Variants in ATP10B observed in about 807,000 individuals in gnomAD.
The protein encoded by ATP10B is ATPase phospholipid transporting 10B (putative), also known as phospholipid-transporting ATPase VB.
ATP10B carries 122 observed loss-of-function variants against 141.2 expected under a neutral mutation model. The ratio of observed to expected loss-of-function variants is 0.86; its 90% CI spans 0.75 to 1.00. ATP10B has a LOEUF of 1.00. Among genes scored for constraint, ATP10B ranks in the 50% least tolerant of loss-of-function variants. The pLI is 0.00. For synonymous variants in ATP10B, 685 were observed against 692.0 expected (o/e 0.99, Z 0.16); for missense variants, 1,876 against 1,825.3 (o/e 1.03, Z -0.51).
At chr5:160,841,294 G>GAA (rs961432847) in intron 1 of ATP10B, among the ~76,000 whole-genome samples, 4 of 149,834 alleles carry the variant, frequency 2.7e-5, no homozygotes, top group Non-Finnish European at 5.9e-5. Flanking sequence ...ATTGTTAGGT[G>GAA]AAAAAAAAAG....
chr5:160,575,626 C>T (rs887194042), intron 24 of ATP10B, among the ~76,000 whole-genome samples: 1 of 151,948 alleles, frequency 6.6e-6, no homozygotes. Context: ...AGGATTCTAT[C>T]TAGGATTCAT....
In ATP10B at chr5:160,565,202, A is replaced by G. The variant is rs904739570; in HGVS notation, c.*251T>C. 1.9e-6 allele frequency: 1 copy of G among 523,610 alleles called. No individual in the cohort carries two copies. The allele number at this position is 523,610 out of a possible 1,614,324, so 32.4% of individuals were successfully genotyped here. A position where few individuals can be genotyped will look rare whatever the true frequency, so the allele number is the denominator to read the frequency against. On this transcript the variant is annotated 3_prime_UTR_variant, in exon 26 of 26. Coordinates refer to ENST00000327245, the MANE Select transcript of ATP10B (RefSeq NM_025153.3). ...ACCGATTTGAGAACTCGATTCAACA[A>G]AAACAGCCTCCTTCTCCAAACTGTT...
chr5:160,652,044 G>A (rs1313592172), intron 7 of ATP10B, among the ~76,000 whole-genome samples: 1 of 152,078 alleles, frequency 6.6e-6, no homozygotes, highest in Non-Finnish European at 1.5e-5. Context: ...CGGAGTCCCT[G>A]CTGCCTGTTT....
chr5:160,601,505 T>C (rs1757095956), intron 21 of ATP10B, among the ~76,000 whole-genome samples: 2 of 152,176 alleles, frequency 1.3e-5, no homozygotes, highest in Non-Finnish European at 2.9e-5. Flanking sequence ...CCTATTCCCA[T>C]TGTTAATAAA....
At chr5:160,619,007 G>C (rs550890119) in intron 15 of ATP10B, among the ~76,000 whole-genome samples, 8 of 152,068 alleles carry the variant, frequency 5.3e-5, no homozygotes, top group African/African-American at 1.7e-4. Context: ...CTACTCCAAG[G>C]CTGTTTTTAT....
At chr5:160,652,889 TTATATAATATATTATA>T (rs1760909288) in intron 7 of ATP10B, among the ~76,000 whole-genome samples, 6 of 32,408 alleles carry the variant, frequency 1.9e-4, no homozygotes, top group African/African-American at 7.7e-4. Flanking sequence ...ATATATATAA[TTATATAATATATTATA>T]TATACATGTA....
At chr5:160,653,765 AATAT>A (rs1173769033) in intron 7 of ATP10B, among the ~76,000 whole-genome samples, 4 of 105,150 alleles carry the variant, frequency 3.8e-5, no homozygotes, top group Non-Finnish European at 7.4e-5. Flanking sequence ...AAATATATAT[AATAT>A]ATACATATAT....
At chr5:160,817,098 A>G (rs1773692991) in intron 1 of ATP10B, among the ~76,000 whole-genome samples, 1 of 152,230 alleles carries the variant, frequency 6.6e-6, no homozygotes, top group Non-Finnish European at 1.5e-5. Context: ...GGCACAAGAC[A>G]GGGATGCCCT....
rs370570001 is a variant in ATP10B at position 160,620,760 on chromosome 5, A to G, written c.2003T>C (p.Val668Ala). The G allele has an allele frequency of 1.2e-6, 2 of 1,614,070 alleles. No homozygotes were observed. Among genetic ancestry groups the G allele is most frequent in the African/African-American group, 1.3e-5 (1 of 74,932 alleles). Residue 668 changes from valine to alanine, a missense_variant, in exon 15 of 26, where the codon GTG (valine) becomes GCG (alanine). Val to Ala is a moderately conservative substitution (Grantham distance 64). Coordinates refer to ENST00000327245, the MANE Select transcript of ATP10B (RefSeq NM_025153.3). ...ATCAGTGGAGTCACCTCCACTGCAC[A>G]CAGATGCATCATCTCTCTCATCCGA... ...TDSDERDDAS[V>A]CSGGDSTDDG...
the ATP10B span, among the ~76,000 whole-genome samples, chr5:160,890,825 C>G: frequency 6.6e-6 from 1 of 152,096 alleles, no homozygotes; most frequent in South Asian, 2.1e-4. Context: ...AGTGATCTTC[C>G]CAGCTTCCTG....
chr5:160,694,615 T>C (rs1270986979), intron 3 of ATP10B, among the ~76,000 whole-genome samples: 1 of 152,232 alleles, frequency 6.6e-6, no homozygotes, highest in African/African-American at 2.4e-5. Flanking sequence ...CATTTCCAAT[T>C]GACTCCAGTT....
At chr5:160,922,733 C>G in the ATP10B span, among the ~76,000 whole-genome samples, 1 of 152,224 alleles carries the variant, frequency 6.6e-6, no homozygotes, top group African/African-American at 2.4e-5. Flanking sequence ...GTGAATATAT[C>G]TTTGAGCAGC....
intron 22 of ATP10B, among the ~76,000 whole-genome samples, chr5:160,594,835 C>T (rs1756569770): frequency 6.6e-6 from 1 of 152,128 alleles, no homozygotes; most frequent in East Asian, 1.9e-4. Flanking sequence ...ACAAGAAGAG[C>T]TAACTAACTA....
the ATP10B span, among the ~76,000 whole-genome samples, chr5:160,858,823 TTGAG>T: frequency 6.6e-6 from 1 of 151,888 alleles, no homozygotes; most frequent in Non-Finnish European, 1.5e-5. Context: ...TTTTACCAGT[TTGAG>T]TGACATATAA....
At chr5:160,655,285 T>A (rs986213944) in intron 7 of ATP10B, among the ~76,000 whole-genome samples, 39 of 151,926 alleles carry the variant, frequency 2.6e-4, no homozygotes, top group African/African-American at 7.8e-4. Flanking sequence ...TTTAAGCATT[T>A]AAATTTTTTT....
intron 2 of ATP10B, among the ~76,000 whole-genome samples, chr5:160,731,971 G>A (rs1326394219): frequency 1.3e-5 from 2 of 152,072 alleles, no homozygotes; most frequent in Admixed American, 6.5e-5. Context: ...TCATTATATC[G>A]AGGATGTTGA....
the ATP10B span, among the ~76,000 whole-genome samples, chr5:160,913,166 A>G: frequency 6.6e-6 from 1 of 152,210 alleles, no homozygotes; most frequent in African/African-American, 2.4e-5. Context: ...TCTTTTATGG[A>G]AACTGGAATG....
At position 160,582,186 on chromosome 5, in the gene ATP10B, G is replaced by C. The variant is rs921156390; in HGVS notation, c.3750+7406C>G. Among the ~76,000 whole-genome samples the C allele has an allele frequency of 2.6e-5, 4 of 151,960 alleles. No individual in the cohort carries two copies. The South Asian group carries it at 6.2e-4, about 24-fold the overall frequency. On this transcript the variant is annotated intron_variant, in intron 24 of 25. Coordinates refer to ENST00000327245, the MANE Select transcript of ATP10B (RefSeq NM_025153.3). ...TATTGTTATGTGTGAATTTGATCCT[G>C]TCATGATGTTAACTGGTTATTTTGC... is the stretch of plus-strand genomic sequence containing the variant.
intron 1 of ATP10B, among the ~76,000 whole-genome samples, chr5:160,806,310 C>A (rs188270998): frequency 2.0e-5 from 3 of 152,302 alleles, no homozygotes; most frequent in African/African-American, 7.2e-5. Context: ...ACTCCCCTGA[C>A]CCAGATAAAG....
Sources: gnomAD v4.1 joint callset for allele counts (sites outside exome capture counted in the v4.1 genomes callset) on GRCh38, gnomAD v4.1.1 for gene constraint, MANE v1.5 for transcripts, NCBI Gene and HGNC (gene_info 2026-07-23, HGNC 2026-07-21) for gene names.